The following RGS7 variants were observed in gnomAD, a reference collection of about 807,000 sequenced individuals.
RGS7 encodes the protein regulator of G protein signaling 7.
A neutral mutation model predicts 81.1 loss-of-function variants in RGS7; 27 were observed. The ratio of observed to expected loss-of-function variants is 0.33; its 90% CI spans 0.25 to 0.46. The LOEUF is 0.46. RGS7 is among the 20% of genes least tolerant of loss of function. The probability of loss-of-function intolerance (pLI) is 1.00; values close to 1 mark genes in which losing one functional copy is unlikely to be tolerated. For synonymous variants in RGS7, 208 were observed against 207.7 expected (o/e 1.00, Z -0.01); for missense variants, 396 against 607.4 (o/e 0.65, Z 3.66).
chr1:241,355,746 T>C lies in RGS7; in HGVS notation c.31A>G (p.Ser11Gly), dbSNP rs1298829020. The change falls in exon 2 of 19, where the codon AGC becomes GGC. Residue 11 changes from serine to glycine, a missense_variant. Transcript: ENST00000440928. MAQGNNYGQTSNGVADESPNM... is the reference protein window; with the variant it reads MAQGNNYGQTGNGVADESPNM... ...GGTGATTCATCGGCCACCCCGTTGC[T>C]GGTCTGCCCATAATTATTCCCCTGG... is the stretch of plus-strand genomic sequence containing the variant. 1 of 1,614,212 alleles carries C rather than the reference T, an allele frequency of 6.2e-7. No homozygotes were observed. Among genetic ancestry groups the C allele is most frequent in the Admixed American group, 1.7e-5 (1 of 60,032 alleles).
At chr1:241,045,141 T>C (rs2060849304) in intron 3 of RGS7, among the ~76,000 whole-genome samples, 1 of 152,204 alleles carries the variant, frequency 6.6e-6, no homozygotes. Flanking sequence ...TTCAGAACAG[T>C]AGATGATATA....
At chr1:241,019,404 CATGCAGGTTTGTTGCA>C (rs1197010859) in intron 3 of RGS7, among the ~76,000 whole-genome samples, 2 of 151,934 alleles carry the variant, frequency 1.3e-5, no homozygotes, top group Non-Finnish European at 2.9e-5. Context: ...ATGTGCGCAA[CATGCAGGTTTGTTGCA>C]TAGGTATACA....
At chr1:240,822,591 A>G (rs897653501) in intron 10 of RGS7, among the ~76,000 whole-genome samples, 5 of 152,244 alleles carry the variant, frequency 3.3e-5, no homozygotes, top group Non-Finnish European at 5.9e-5. Context: ...TTTGTTTAGA[A>G]GTACAAGCTA....
intron 2 of RGS7, among the ~76,000 whole-genome samples, chr1:241,151,267 G>C (rs952650019): frequency 3.3e-4 from 50 of 152,168 alleles, no homozygotes; most frequent in African/African-American, 1.1e-3. Context: ...AACATCTATG[G>C]AAAGAGAGAC....
intron 3 of RGS7, among the ~76,000 whole-genome samples, chr1:241,046,162 T>A (rs537818740): frequency 7.2e-4 from 109 of 152,208 alleles, no homozygotes; most frequent in African/African-American, 2.5e-3. Flanking sequence ...TTTCAAAAAA[T>A]TTCAACTTTA....
chr1:240,998,720 C>G (rs1687677971), intron 3 of RGS7: 1 of 984,370 alleles, frequency 1.0e-6, no homozygotes, highest in African/African-American at 1.6e-5. Context: ...TGATCTTATT[C>G]TCCGTGACGG....
At chr1:240,845,133 A>G (rs995561831) in intron 9 of RGS7, among the ~76,000 whole-genome samples, 10 of 152,202 alleles carry the variant, frequency 6.6e-5, no homozygotes, top group Non-Finnish European at 1.3e-4. Context: ...AACCTCCCTG[A>G]AATCTATAGA....
At chr1:240,863,136 G>A (rs540997442) in intron 9 of RGS7, among the ~76,000 whole-genome samples, 11 of 152,104 alleles carry the variant, frequency 7.2e-5, no homozygotes, top group Admixed American at 5.9e-4. Flanking sequence ...TTGTAGAGAT[G>A]GAATCTCACT....
rs533691961 is a variant in RGS7, at chr1:241,110,694, CT to C, written c.79-11933del. Among the ~76,000 whole-genome samples, 235 of 139,866 alleles carry C rather than the reference CT, an allele frequency of 1.7e-3. 1 individual carries two copies. The highest frequency in any genetic ancestry group is 7.6e-3 in the East Asian group (37 of 4,892). The allele number at this position is 139,866 out of a possible 152,430, so 91.8% of individuals were successfully genotyped here. A position where few individuals can be genotyped will look rare whatever the true frequency, so the allele number is the denominator to read the frequency against. ...TTATTGAGACAGGGTCTCACTCACTCTTTTTTTTTTTTTGAGACAGAGTCTC... is the reference window on the plus strand; with the variant it reads ...TTATTGAGACAGGGTCTCACTCACTCTTTTTTTTTTTTGAGACAGAGTCTC... On this transcript the variant is annotated intron_variant, in intron 2 of 18. Transcript: ENST00000440928.
In RGS7 at chr1:240,992,510, T is replaced by TAAACAA. The variant is rs549413469; in HGVS notation, c.176-9387_176-9382dup. Among the ~76,000 whole-genome samples the TAAACAA allele has an allele frequency of 4.6e-5, 7 of 151,828 alleles. No individual in the cohort carries two copies. The East Asian group carries it at 5.9e-4, about 13-fold the overall frequency. On this transcript the variant is annotated intron_variant, in intron 3 of 18. Coordinates refer to ENST00000440928, the MANE Select transcript of RGS7 (RefSeq NM_001364886.1). ...CAGAGCAAGACTCCGTCTCACAAAA[T>TAAACAA]AAACAAAAACAAAAACAAAAACAGA...
intron 2 of RGS7, among the ~76,000 whole-genome samples, chr1:241,160,726 C>T (rs544886324): frequency 3.9e-5 from 6 of 152,158 alleles, no homozygotes; most frequent in Non-Finnish European, 8.8e-5. Flanking sequence ...AATGGCGATT[C>T]GCCAGTTTGA....
chr1:241,352,228 A>G (rs998852446), intron 2 of RGS7, among the ~76,000 whole-genome samples: 13 of 152,218 alleles, frequency 8.5e-5, no homozygotes, highest in Admixed American at 7.9e-4. Context: ...ATTCTTCAAG[A>G]AGCTGATCTG....
intron 4 of RGS7, among the ~76,000 whole-genome samples, chr1:240,973,960 C>T (rs1258845159): frequency 6.6e-6 from 1 of 152,078 alleles, no homozygotes; most frequent in African/African-American, 2.4e-5. Flanking sequence ...TAACTAAATT[C>T]GTGGAATACA....
intron 2 of RGS7, among the ~76,000 whole-genome samples, chr1:241,341,805 T>C (rs983822742): frequency 5.3e-5 from 8 of 151,458 alleles, no homozygotes; most frequent in Admixed American, 3.9e-4. Context: ...GACCAATTTA[T>C]ACAGCTGGTT....
chr1:241,079,279 A>G (rs1022098155), intron 3 of RGS7, among the ~76,000 whole-genome samples: 2 of 152,218 alleles, frequency 1.3e-5, no homozygotes, highest in South Asian at 2.1e-4. Flanking sequence ...CAGCTGTCCT[A>G]TGAGAAGTCA....
In RGS7 at chr1:240,868,570, G is replaced by C; in HGVS notation, c.609+17C>G. The C allele has an allele frequency of 6.2e-7, 1 of 1,612,156 alleles. No homozygotes were observed. Among genetic ancestry groups the C allele is most frequent in the Non-Finnish European group, 8.5e-7 (1 of 1,178,284 alleles). On this transcript the variant is annotated intron_variant, in intron 9 of 18. Coordinates refer to ENST00000440928, the MANE Select transcript of RGS7 (RefSeq NM_001364886.1). The surrounding 1 kb of genome is among the most constrained non-coding windows in gnomAD (Gnocchi z 5.1). Reference sequence around the variant, plus strand: ...CGGAGAAGATGGATTCAAGACGAGAGTGCGACGCTTGCTTACCACGGGCCT... The same window carrying C: ...CGGAGAAGATGGATTCAAGACGAGACTGCGACGCTTGCTTACCACGGGCCT...
At chr1:240,996,934 T>G (rs559458060) in intron 3 of RGS7, among the ~76,000 whole-genome samples, 1 of 152,198 alleles carries the variant, frequency 6.6e-6, no homozygotes, top group South Asian at 2.1e-4. Flanking sequence ...TAAAATCCAT[T>G]TCAATTTTCT....
chr1:241,114,468 T>C (rs2065752838), intron 2 of RGS7, among the ~76,000 whole-genome samples: 1 of 152,152 alleles, frequency 6.6e-6, no homozygotes, highest in Admixed American at 6.6e-5. Context: ...TTTGTTTTCA[T>C]TTTGGTGACC....
At chr1:241,342,789 A>C (rs767354410) in intron 2 of RGS7, among the ~76,000 whole-genome samples, 12 of 152,214 alleles carry the variant, frequency 7.9e-5, no homozygotes, top group African/African-American at 1.2e-4. Context: ...TCATTAGGGA[A>C]ATGTGAATCA....
Sources: gnomAD v4.1 joint callset for allele counts (sites outside exome capture counted in the v4.1 genomes callset) on GRCh38, gnomAD v4.1.1 for gene constraint, Gnocchi (gnomAD v3.1) non-coding constraint, MANE v1.5 for transcripts, NCBI Gene and HGNC (gene_info 2026-07-23, HGNC 2026-07-21) for gene names.